COL14A1: variants seen among roughly 807,000 people sequenced by gnomAD.
COL14A1 encodes collagen type XIV alpha 1 chain.
Under a neutral mutation model 230.3 loss-of-function variants are expected in COL14A1, and 136 were observed. That is an observed-to-expected ratio of 0.59 (90% CI 0.51 to 0.68). The LOEUF (loss-of-function observed/expected upper bound fraction) is 0.68, where lower values mean the gene tolerates loss of function less well. COL14A1 is among the 30% of genes least tolerant of loss of function. COL14A1 has a pLI of 0.00. For synonymous variants in COL14A1, 792 were observed against 784.1 expected (o/e 1.01, Z -0.17); for missense variants, 1,976 against 2,215.8 (o/e 0.89, Z 2.17).
chr8:120,236,398 T>C (rs1041587688), intron 19 of COL14A1, among the ~76,000 whole-genome samples: 9 of 151,700 alleles, frequency 5.9e-5, no homozygotes, highest in Non-Finnish European at 1.5e-5. Flanking sequence ...TTGATCTTTG[T>C]TGGCTTAAAA....
rs1180325438 is a variant in COL14A1, at chr8:120,372,364, G to A, written c.*1133G>A. On this transcript the variant is annotated 3_prime_UTR_variant, in exon 48 of 48. Coordinates refer to ENST00000297848, the MANE Select transcript of COL14A1 (RefSeq NM_021110.4). ...CACCTATCTTCTGATATTGAGGAAA[G>A]CCTAAAAACCCCTAGAAGGCAGAGC... 6.6e-6 allele frequency among the ~76,000 whole-genome samples: 1 copy of A among 152,186 alleles called. No individual in the cohort carries two copies. The highest frequency in any genetic ancestry group is 1.5e-5 in the Non-Finnish European group (1 of 68,046).
At chr8:120,157,743 T>A (rs1331607516) in intron 2 of COL14A1, among the ~76,000 whole-genome samples, 1 of 151,878 alleles carries the variant, frequency 6.6e-6, no homozygotes, top group Non-Finnish European at 1.5e-5. Flanking sequence ...CCCAGCACTT[T>A]GGGAGGCCGA....
intron 1 of COL14A1, among the ~76,000 whole-genome samples, chr8:120,126,263 G>T (rs897128497): frequency 6.6e-6 from 1 of 152,238 alleles, no homozygotes; most frequent in East Asian, 1.9e-4. Flanking sequence ...GCCGCCGGCA[G>T]GTCCAGGACC....
At chr8:120,231,704 T>C (rs1349387855) in intron 19 of COL14A1, 86 bp downstream of exon 19, 2 of 1,364,258 alleles carry the variant, frequency 1.5e-6, no homozygotes, top group Non-Finnish European at 2.0e-6. Flanking sequence ...ATGCAAACTT[T>C]ACTGCTCTTT....
chr8:120,169,894 A>G (rs915415768), intron 5 of COL14A1, among the ~76,000 whole-genome samples: 1 of 152,106 alleles, frequency 6.6e-6, no homozygotes, highest in Admixed American at 6.6e-5. Flanking sequence ...ACCTATTACC[A>G]TACAGTTAAA....
Position 120,332,733 on chromosome 8 carries a change from C to A in COL14A1, c.4783C>A (p.Pro1595Thr), listed in dbSNP as rs1370878510. The A allele has an allele frequency of 1.2e-6, 2 of 1,612,194 alleles. No homozygotes were observed. The highest frequency in any genetic ancestry group is 1.7e-6 in the Non-Finnish European group (2 of 1,178,872). Residue 1595 changes from proline (P) to threonine (T), a missense_variant and splice_region_variant, in exon 42 of 48, where the codon CCT (proline) becomes ACT (threonine). Coordinates refer to ENST00000297848, the MANE Select transcript of COL14A1 (RefSeq NM_021110.4). Reference protein sequence around the residue: ...SMGPQGALGPPGVPGAKGERG... With the variant: ...SMGPQGALGPTGVPGAKGERG... ...GGGACCGCAAGGCGCCCTGGGACCA[C>A]CTGTGAGTATGCAGCGGTAGCTGCT...
chr8:120,217,111 C>G lies in COL14A1; in HGVS notation c.1737+621C>G, dbSNP rs1817775107. Reference sequence around the variant, plus strand: ...TTGATGTGGCCATCTCTGGAAAATGCAGCCTGCCACAGGGGATGGGGGTGG... The same window carrying G: ...TTGATGTGGCCATCTCTGGAAAATGGAGCCTGCCACAGGGGATGGGGGTGG... On this transcript the variant is annotated intron_variant, in intron 14 of 47. Coordinates refer to ENST00000297848, the MANE Select transcript of COL14A1 (RefSeq NM_021110.4). 2.0e-5 allele frequency among the ~76,000 whole-genome samples: 3 copies of G among 152,110 alleles called. No homozygotes were observed. The South Asian group carries it at 6.2e-4, about 32-fold the overall frequency.
chr8:120,226,989 A>C (rs1333047608), intron 16 of COL14A1, among the ~76,000 whole-genome samples: 1 of 152,158 alleles, frequency 6.6e-6, no homozygotes, highest in Non-Finnish European at 1.5e-5. Flanking sequence ...AGATTCTTTG[A>C]CTTTAATAAA....
chr8:120,167,568 G>A (rs1815948464), intron 4 of COL14A1, among the ~76,000 whole-genome samples: 1 of 152,142 alleles, frequency 6.6e-6, no homozygotes, highest in African/African-American at 2.4e-5. Flanking sequence ...AAAAGGCCAA[G>A]GGGCATTTTT....
intron 26 of COL14A1, 25 bp downstream of exon 26, chr8:120,270,199 A>G (rs1345551607): frequency 6.3e-7 from 1 of 1,594,126 alleles, no homozygotes; most frequent in Non-Finnish European, 8.6e-7. Flanking sequence ...TAATTAATTC[A>G]TTCTATGTAT....
At chr8:120,286,788 C>T (rs1196020218) in intron 33 of COL14A1, among the ~76,000 whole-genome samples, 4 of 152,174 alleles carry the variant, frequency 2.6e-5, no homozygotes, top group African/African-American at 4.8e-5. Flanking sequence ...GGATTACAGG[C>T]GTGAGCCACC....
chr8:120,361,076 A>G (rs1042994060), intron 45 of COL14A1, among the ~76,000 whole-genome samples: 3 of 150,370 alleles, frequency 2.0e-5, no homozygotes, highest in African/African-American at 7.4e-5. Flanking sequence ...TTTTTTTCTC[A>G]TTGTCTCTAC....
intron 23 of COL14A1, among the ~76,000 whole-genome samples, chr8:120,259,228 A>AGTT (rs1268589091): frequency 6.6e-6 from 1 of 152,162 alleles, no homozygotes; most frequent in Admixed American, 6.6e-5. Context: ...CTACCAGAGT[A>AGTT]GTTACCTGGA....
At chr8:120,275,107 T>C (rs141898985) in intron 26 of COL14A1, among the ~76,000 whole-genome samples, 86 of 151,896 alleles carry the variant, frequency 5.7e-4, no homozygotes, top group African/African-American at 2.0e-3. Context: ...TACAAGACCA[T>C]AGTTACTAAA....
intron 23 of COL14A1, among the ~76,000 whole-genome samples, chr8:120,259,163 A>T (rs1819252782): frequency 6.6e-6 from 1 of 152,190 alleles, no homozygotes; most frequent in Non-Finnish European, 1.5e-5. Flanking sequence ...GATCAGAATT[A>T]AACTTTCTGA....
chr8:120,231,683 T>A, intron 19 of COL14A1, 65 bp downstream of exon 19: 2 of 1,518,634 alleles, frequency 1.3e-6, no homozygotes, highest in Non-Finnish European at 1.8e-6. Context: ...TAAGACTGTC[T>A]TCGGAGATCA....
chr8:120,286,117 A>G, intron 33 of COL14A1, 147 bp downstream of exon 33: 1 of 599,452 alleles, frequency 1.7e-6, no homozygotes, highest in East Asian at 3.0e-5. Context: ...TGTGCTTGTT[A>G]ACAGATTCTG....
chr8:120,293,243 T>A (rs571051003), intron 34 of COL14A1, among the ~76,000 whole-genome samples: 1 of 152,132 alleles, frequency 6.6e-6, no homozygotes, highest in South Asian at 2.1e-4. Flanking sequence ...GACATATGAG[T>A]TATGCTATGG....
chr8:120,320,388 T>A (rs931325907), intron 40 of COL14A1, among the ~76,000 whole-genome samples: 7 of 151,992 alleles, frequency 4.6e-5, no homozygotes, highest in Non-Finnish European at 7.4e-5. Context: ...AAGTTAAAAA[T>A]TTTTTTTCTT....
Sources: gnomAD v4.1 joint callset for allele counts (sites outside exome capture counted in the v4.1 genomes callset) on GRCh38, gnomAD v4.1.1 for gene constraint, MANE v1.5 for transcripts, NCBI Gene and HGNC (gene_info 2026-07-23, HGNC 2026-07-21) for gene names.